The following LAMA2 variants were observed in gnomAD, a reference collection of about 807,000 sequenced individuals.
LAMA2 encodes laminin subunit alpha 2.
Under a neutral mutation model 364.8 loss-of-function variants are expected in LAMA2, and 269 were observed. The observed-to-expected ratio is 0.74, with a 90% confidence interval of 0.67 to 0.82. The LOEUF is 0.82. Among genes scored for constraint, LAMA2 ranks in the 40% least tolerant of loss-of-function variants. LAMA2 has a pLI of 0.00. For missense variants in LAMA2, 3,807 were observed against 3,873.2 expected, an observed-to-expected ratio of 0.98 and a Z score of 0.45; for synonymous variants, 1,379 against 1,370.6, an observed-to-expected ratio of 1.01 and a Z score of -0.14.
At chr6:129,118,973 A>G (rs868787058) in intron 4 of LAMA2, among the ~76,000 whole-genome samples, 4 of 152,248 alleles carry the variant, frequency 2.6e-5, no homozygotes, top group African/African-American at 7.2e-5. Flanking sequence ...AAAAATGCCA[A>G]TTAAAAAATA....
At chr6:129,339,631 C>T (rs1178503939) in intron 29 of LAMA2, among the ~76,000 whole-genome samples, 1 of 152,000 alleles carries the variant, frequency 6.6e-6, no homozygotes, top group Non-Finnish European at 1.5e-5. Context: ...TTATATTGAA[C>T]AGAAAGGGAA....
chr6:129,383,060 C>T, intron 34 of LAMA2, 62 bp from the exon 35 acceptor site: 1 of 1,345,742 alleles, frequency 7.4e-7, no homozygotes, highest in South Asian at 1.2e-5. Flanking sequence ...CCAGTGGGAG[C>T]TTATCTAGCT....
At chr6:129,290,588 C>A (rs1235293772) in intron 19 of LAMA2, among the ~76,000 whole-genome samples, 2 of 152,096 alleles carry the variant, frequency 1.3e-5, no homozygotes, top group South Asian at 2.1e-4. Context: ...GTGTTCAAAT[C>A]AAAATATTCA....
chr6:129,205,493 T>TATATATATATAC (rs1343472728), intron 12 of LAMA2, among the ~76,000 whole-genome samples: 4 of 104,274 alleles, frequency 3.8e-5, no homozygotes, highest in African/African-American at 2.2e-4. Context: ...TATATATATA[T>TATATATATATAC]ACACACACAC....
intron 1 of LAMA2, among the ~76,000 whole-genome samples, chr6:128,886,342 T>C (rs918956094): frequency 6.6e-6 from 1 of 152,062 alleles, no homozygotes; most frequent in Non-Finnish European, 1.5e-5. Context: ...AGTTACATTG[T>C]TTATATGTTT....
intron 1 of LAMA2, among the ~76,000 whole-genome samples, chr6:128,937,117 GA>G (rs1211620212): frequency 3.3e-5 from 5 of 152,178 alleles, no homozygotes; most frequent in Non-Finnish European, 7.3e-5. Context: ...ACAGGTAACT[GA>G]AACCATGGAA....
At chr6:129,019,474 G>T (rs796273568) in intron 1 of LAMA2, among the ~76,000 whole-genome samples, 4 of 151,268 alleles carry the variant, frequency 2.6e-5, no homozygotes, top group African/African-American at 9.7e-5. Flanking sequence ...TCTCTTTTGT[G>T]GGTGATGCCT....
chr6:129,428,367 G>A (rs1015553631), intron 41 of LAMA2, among the ~76,000 whole-genome samples: 5 of 152,242 alleles, frequency 3.3e-5, no homozygotes, highest in Admixed American at 6.5e-5. Context: ...CCAGGGGCGT[G>A]AAGTTACCGT....
At position 129,280,057 on chromosome 6, in the gene LAMA2, A is replaced by G; in HGVS notation, c.2451-4A>G. 6.2e-7 allele frequency: 1 copy of G among 1,607,964 alleles called. No individual in the cohort carries two copies. The highest frequency in any genetic ancestry group is 8.5e-7 in the Non-Finnish European group (1 of 1,174,614). Reference sequence around the variant, plus strand: ...CCCTGTTTTCCGCAACAACATCAACATAGCTTTAGCCCAACGTGCCATTTA... The same window carrying G: ...CCCTGTTTTCCGCAACAACATCAACGTAGCTTTAGCCCAACGTGCCATTTA... On this transcript the variant is annotated splice_polypyrimidine_tract_variant and splice_region_variant and intron_variant, in intron 17 of 64. Transcript: ENST00000421865.
chr6:129,506,085 G>T (rs1433088742), intron 61 of LAMA2, among the ~76,000 whole-genome samples: 4 of 151,978 alleles, frequency 2.6e-5, no homozygotes, highest in Non-Finnish European at 4.4e-5. Flanking sequence ...GGGCATGGTG[G>T]CTCACACCTG....
intron 7 of LAMA2, among the ~76,000 whole-genome samples, chr6:129,150,561 C>T (rs1001179866): frequency 4.6e-5 from 7 of 152,098 alleles, no homozygotes; most frequent in Non-Finnish European, 1.0e-4. Flanking sequence ...CAAAAACAAT[C>T]GAGCAACTTG....
chr6:129,050,953 T>C (rs1322990242), intron 2 of LAMA2, among the ~76,000 whole-genome samples: 2 of 152,248 alleles, frequency 1.3e-5, no homozygotes, highest in Middle Eastern at 3.4e-3. Flanking sequence ...CAAAGCATTG[T>C]ATTGGAGCAT....
intron 13 of LAMA2, among the ~76,000 whole-genome samples, chr6:129,250,529 T>G (rs773321610): frequency 2.0e-5 from 3 of 152,184 alleles, no homozygotes; most frequent in Non-Finnish European, 4.4e-5. Context: ...ATGGTTGTGT[T>G]TTTCCTGTTT....
rs1337855074 is a variant in LAMA2, at chr6:129,140,099, G to A, written c.640-3802G>A. ...CTTCAAGCTTTCCAAAACAAATGTA[G>A]CAACATAAATAGACAAGCATAATAA... On this transcript the variant is annotated intron_variant, in intron 4 of 64. Coordinates refer to ENST00000421865, the MANE Select transcript of LAMA2 (RefSeq NM_000426.4). Among the ~76,000 whole-genome samples the A allele has an allele frequency of 1.3e-5, 2 of 152,060 alleles. 1 individual carries two copies. Among genetic ancestry groups the A allele is most frequent in the Admixed American group, 1.3e-4 (2 of 15,258 alleles).
intron 1 of LAMA2, among the ~76,000 whole-genome samples, chr6:128,896,010 G>A (rs865874279): frequency 1.3e-5 from 2 of 152,228 alleles, no homozygotes; most frequent in Middle Eastern, 3.4e-3. Context: ...GAGACTCAAG[G>A]ATCTATCCTT....
rs550712988 is a variant in LAMA2, at chr6:129,097,237, G to T, written c.397-936G>T. Among the ~76,000 whole-genome samples, 246 of 152,244 alleles carry T rather than the reference G, an allele frequency of 1.6e-3. 1 individual carries two copies. The highest frequency in any genetic ancestry group is 2.9e-3 in the Non-Finnish European group (196 of 68,014). ...TACAATATATTAACAACACATTGATGGTGGAATAGTAATTTAAACTAATTC... is the reference window on the plus strand; with the variant it reads ...TACAATATATTAACAACACATTGATTGTGGAATAGTAATTTAAACTAATTC... On this transcript the variant is annotated intron_variant, in intron 3 of 64. Coordinates refer to ENST00000421865, the MANE Select transcript of LAMA2 (RefSeq NM_000426.4).
intron 1 of LAMA2, among the ~76,000 whole-genome samples, chr6:128,961,346 T>TAATATG (rs1236890774): frequency 7.1e-4 from 51 of 71,974 alleles, no homozygotes; most frequent in African/African-American, 2.4e-3. Context: ...TATATATATA[T>TAATATG]ATATATATAT....
intron 12 of LAMA2, among the ~76,000 whole-genome samples, chr6:129,210,919 T>A (rs1273356890): frequency 1.3e-5 from 2 of 152,104 alleles, no homozygotes; most frequent in Non-Finnish European, 2.9e-5. Context: ...GGGCTGGTGC[T>A]TGTTACAGTG....
intron 12 of LAMA2, among the ~76,000 whole-genome samples, chr6:129,215,673 A>G (rs963735695): frequency 6.6e-6 from 1 of 152,102 alleles, no homozygotes; most frequent in Admixed American, 6.6e-5. Context: ...TCTTACAGAG[A>G]TTTCTTCACC....
Sources: gnomAD v4.1 joint callset for allele counts (sites outside exome capture counted in the v4.1 genomes callset) on GRCh38, gnomAD v4.1.1 for gene constraint, MANE v1.5 for transcripts, NCBI Gene and HGNC (gene_info 2026-07-23, HGNC 2026-07-21) for gene names.